The following RBM12B variants were observed in gnomAD, a reference collection of about 807,000 sequenced individuals.
RBM12B encodes RNA-binding protein 12B.
RBM12B carries 10 observed loss-of-function variants against 34.3 expected under a neutral mutation model. That is an observed-to-expected ratio of 0.29 (90% CI 0.18 to 0.49). The LOEUF (loss-of-function observed/expected upper bound fraction) is 0.49, where lower values mean the gene tolerates loss of function less well. Ranked by LOEUF, RBM12B falls within the 20% of genes least tolerant of loss-of-function variation. RBM12B has a pLI of 0.99. For missense variants in RBM12B, 1,139 were observed against 1,262.7 expected (o/e 0.90, Z 1.48); for synonymous variants, 477 against 437.1 (o/e 1.09, Z -1.14).
intron 2 of RBM12B, chr8:93,740,078 A>G (rs529823521): frequency 2.0e-4 from 71 of 350,696 alleles, no homozygotes; most frequent in African/African-American, 1.5e-3. Flanking sequence ...GTCATGATGT[A>G]GCATATTCAC....
At position 93,734,685 on chromosome 8, in the gene RBM12B, G is replaced by A; in HGVS notation, c.1726C>T (p.Pro576Ser). ...RFPPEDFRHSPEDFRRPREED... is the reference protein window; with the variant it reads ...RFPPEDFRHSSEDFRRPREED... ...TCCCTAGGTCGCCTGAAGTCCTCTG[G>A]GGAGTGCCTGAAGTCCTCCGGGGGG... is the stretch of plus-strand genomic sequence containing the variant. Residue 576 changes from proline (P) to serine (S), a missense_variant, in exon 4 of 4, where the codon CCA becomes TCA. Transcript: ENST00000520560. 1.2e-6 allele frequency: 2 copies of A among 1,613,354 alleles called. No homozygotes were observed. The highest frequency in any genetic ancestry group is 8.5e-7 in the Non-Finnish European group (1 of 1,179,544).
chr8:93,734,377 G>T lies in RBM12B; in HGVS notation c.2034C>A (p.Pro678=). ...GAGGCCGCCTAAAGTCCTCCTCTGG[G>T]GGCCGTCTCCAGTCCTCCTCAGGTG... The part of the protein sequence containing the change: ...RRPPEEDWRR[P]PEEDFRRPLQ... The change falls in exon 4 of 4, where the codon CCC becomes CCA. Residue 678 remains proline (P), a synonymous_variant. Transcript: ENST00000520560. The T allele has an allele frequency of 3.7e-6, 6 of 1,611,494 alleles. No individual in the cohort carries two copies. The highest frequency in any genetic ancestry group is 5.1e-6 in the Non-Finnish European group (6 of 1,179,304).
chr8:93,738,448 T>C (rs1257758923), intron 2 of RBM12B, among the ~76,000 whole-genome samples: 1 of 152,232 alleles, frequency 6.6e-6, no homozygotes, highest in African/African-American at 2.4e-5. Context: ...TAAATAATTA[T>C]AATTTACACT....
chr8:93,740,529 C>G (rs1298812212), intron 2 of RBM12B, 100 bp downstream of exon 2: 1 of 456,948 alleles, frequency 2.2e-6, no homozygotes. Context: ...GCCCCCAGAT[C>G]TAACTGAAAA....
rs1460951972 is a variant in RBM12B at position 93,730,089 on chromosome 8, GTGAAATTTCAGAT to G, written c.*3303_*3315del. On this transcript the variant is annotated 3_prime_UTR_variant, in exon 4 of 4. Coordinates refer to ENST00000520560, the MANE Select transcript of RBM12B (RefSeq NM_001377960.1). ...AAAAAGTTTGTGATTTTCGGAGCAT[GTGAAATTTCAGAT>G]TACCAGATTAGGAATACTCAACCTG... The G allele has an allele frequency of 2.6e-5, 4 of 152,160 alleles. No homozygotes were observed. Among genetic ancestry groups the G allele is most frequent in the Admixed American group, 6.5e-5 (1 of 15,278 alleles). The allele number at this position is 152,160 out of a possible 1,614,324, so 9.4% of individuals were successfully genotyped here.
chr8:93,740,150 G>A, intron 2 of RBM12B: 1 of 369,164 alleles, frequency 2.7e-6, no homozygotes, highest in South Asian at 2.0e-5. Context: ...TATTCTTTAC[G>A]ATGATCCACC....
chr8:93,740,945 C>G lies in RBM12B; in HGVS notation c.-210G>C, dbSNP rs1335500384. On this transcript the variant is annotated 5_prime_UTR_variant, in exon 1 of 4. Transcript: ENST00000520560. ...GGAACTCTTCGTCGCAGCAGCCTCC[C>G]CAAAACAGGTAGACCCTCAGTGAGC... 4.6e-6 allele frequency: 1 copy of G among 219,682 alleles called. No individual in the cohort carries two copies. The highest frequency in any genetic ancestry group is 9.3e-6 in the Non-Finnish European group (1 of 106,960). 13.6% of individuals were successfully genotyped at this position (219,682 alleles called of 1,614,324 possible).
At position 93,732,982 on chromosome 8, in the gene RBM12B, A is replaced by T. The variant is rs896463891; in HGVS notation, c.*423T>A. The T allele has an allele frequency of 6.5e-6, 1 of 152,690 alleles. No individual in the cohort carries two copies. Among genetic ancestry groups the T allele is most frequent in the Admixed American group, 6.5e-5 (1 of 15,306 alleles). The allele number at this position is 152,690 out of a possible 1,614,324, so 9.5% of individuals were successfully genotyped here. The stretch of plus-strand genomic sequence containing the variant: ...AATTCTGCAGGCAGGTAGCAATGAA[A>T]ATGCCAAACCTGAACAATCAGTCAC... On this transcript the variant is annotated 3_prime_UTR_variant, in exon 4 of 4. Transcript: ENST00000520560.
rs1812012185 is a variant in RBM12B, at chr8:93,736,078, C to T, written c.333G>A (p.Glu111=). The change falls in exon 4 of 4, where the codon GAG becomes GAA. Residue 111 remains glutamate (E), a synonymous_variant. Transcript: ENST00000520560. ...AATTACTTGCTTCTTCCTTAACAGA[C>T]TCAATAAAATTAGACAGGCTGTCAA... is the stretch of plus-strand genomic sequence containing the variant. ...SGVDSLSNFI[E]SVKEEASNSG... The T allele has an allele frequency of 1.2e-5, 20 of 1,614,174 alleles. No individual in the cohort carries two copies. Among genetic ancestry groups the T allele is most frequent in the Non-Finnish European group, 1.7e-5 (20 of 1,180,036 alleles).
intron 2 of RBM12B, among the ~76,000 whole-genome samples, chr8:93,739,901 C>G (rs1393786605): frequency 2.0e-5 from 3 of 152,108 alleles, no homozygotes; most frequent in South Asian, 2.1e-4. Flanking sequence ...CTCTTCTAAT[C>G]AAGACTTAAG....
At chr8:93,740,504 G>A (rs1448095810) in intron 2 of RBM12B, 125 bp downstream of exon 2, 1 of 457,160 alleles carries the variant, frequency 2.2e-6, no homozygotes, top group East Asian at 7.0e-5. Context: ...ACCCTAACTC[G>A]CCAGAGGGTG....
At position 93,730,670 on chromosome 8, in the gene RBM12B, G is replaced by T. The variant is rs1811754524; in HGVS notation, c.*2735C>A. 1 of 152,000 alleles carries T rather than the reference G, an allele frequency of 6.6e-6. No individual in the cohort carries two copies. The highest frequency in any genetic ancestry group is 1.5e-5 in the Non-Finnish European group (1 of 68,016). 9.4% of individuals were successfully genotyped at this position (152,000 alleles called of 1,614,324 possible). A position where few individuals can be genotyped will look rare whatever the true frequency, so the allele number is the denominator to read the frequency against. On this transcript the variant is annotated 3_prime_UTR_variant, in exon 4 of 4. Transcript: ENST00000520560. ...TTTGCTGCATTTATCACTTTCCATG[G>T]TGTAAAATACTCCTGCCATGGCCAA...
At chr8:93,739,140 G>T (rs1321301310) in intron 2 of RBM12B, 1 of 152,008 alleles carries the variant, frequency 6.6e-6, no homozygotes, top group Non-Finnish European at 1.5e-5. Flanking sequence ...ATGCAAATTG[G>T]CTTAGCTACT....
At position 93,728,362 on chromosome 8, in the gene RBM12B, A is replaced by G; in HGVS notation, c.*5043T>C. The G allele has an allele frequency of 9.4e-7, 1 of 1,062,346 alleles. No individual in the cohort carries two copies. Among genetic ancestry groups the G allele is most frequent in the Non-Finnish European group, 1.4e-6 (1 of 726,620 alleles). 65.8% of individuals were successfully genotyped at this position (1,062,346 alleles called of 1,614,324 possible). A position where few individuals can be genotyped will look rare whatever the true frequency, so the allele number is the denominator to read the frequency against. On this transcript the variant is annotated 3_prime_UTR_variant, in exon 4 of 4. Transcript: ENST00000520560. ...CACAATGACTAAATTGTAGAACTTT[A>G]TACTCACTTTGCTATGTTAAGCCTC...
chr8:93,740,648 C>G lies in RBM12B; in HGVS notation c.-97G>C, dbSNP rs995747515. 7.8e-6 allele frequency: 3 copies of G among 386,438 alleles called. No individual in the cohort carries two copies. The highest frequency in any genetic ancestry group is 6.0e-5 in the Admixed American group (2 of 33,218). The allele number at this position is 386,438 out of a possible 1,614,324, so 23.9% of individuals were successfully genotyped here. A position where few individuals can be genotyped will look rare whatever the true frequency, so the allele number is the denominator to read the frequency against. ...ATATACCTATGAAATCCTTCGAGAT[C>G]TTCACTCTCAAGATCCCTGGGAAGC... On this transcript the variant is annotated 5_prime_UTR_variant, in exon 2 of 4. Transcript: ENST00000520560.
Position 93,732,821 on chromosome 8 carries a change from A to C in RBM12B, c.*584T>G, listed in dbSNP as rs1423149137. The C allele has an allele frequency of 6.6e-6, 1 of 152,236 alleles. No homozygotes were observed. Among genetic ancestry groups the C allele is most frequent in the African/African-American group, 2.4e-5 (1 of 41,468 alleles). The allele number at this position is 152,236 out of a possible 1,614,324, so 9.4% of individuals were successfully genotyped here. ...TATTTTTATAAAGCTTTGTAAAGTTATGAACATGGAAACCCTAAGAATCAC... is the reference window on the plus strand; with the variant it reads ...TATTTTTATAAAGCTTTGTAAAGTTCTGAACATGGAAACCCTAAGAATCAC... On this transcript the variant is annotated 3_prime_UTR_variant, in exon 4 of 4. Coordinates refer to ENST00000520560, the MANE Select transcript of RBM12B (RefSeq NM_001377960.1).
rs1320194016 is a variant in RBM12B, at chr8:93,736,341, T to A, written c.70A>T (p.Thr24Ser). 6.2e-7 allele frequency: 1 copy of A among 1,613,432 alleles called. No individual in the cohort carries two copies. Among genetic ancestry groups the A allele is most frequent in the East Asian group, 2.2e-5 (1 of 44,880 alleles). ...CCTCCATCAGGAATAGTCAATCCCG[T>A]GAAGAAGTGACGAATATCCACAGGC... Reference protein sequence around the residue: ...AGPVDIRHFFTGLTIPDGGVH... With the variant: ...AGPVDIRHFFSGLTIPDGGVH... The change falls in exon 4 of 4, where the codon ACG (threonine) becomes TCG (serine). Residue 24 changes from threonine to serine, a missense_variant. Physicochemically the swap from Thr to Ser is moderately conservative, Grantham distance 58. Transcript: ENST00000520560.
rs750898456 is a variant in RBM12B at position 93,734,072 on chromosome 8, C to T, written c.2339G>A (p.Arg780Gln). 10 of 1,575,030 alleles carry T rather than the reference C, an allele frequency of 6.3e-6. No individual in the cohort carries two copies. The highest frequency in any genetic ancestry group is 2.2e-5 in the East Asian group (1 of 44,528). The part of the protein sequence containing the change: ...HFRRPPPEHF[R>Q]RPPQEHFRRP... ...CCTGAAATGCTCCTGGGGCGGTCTC[C>T]GGAAGTGCTCCGGGGGCGGGCGCCT... The change falls in exon 4 of 4, where the codon CGG becomes CAG. Residue 780 changes from arginine (R) to glutamine (Q), a missense_variant. By Grantham distance (43) the Arg-to-Gln change is conservative (BLOSUM62 1). Around this residue, in one of 3 missense-constraint regions of RBM12B, gnomAD observed 863 missense variants for 869.5 expected, o/e 0.99. Coordinates refer to ENST00000520560, the MANE Select transcript of RBM12B (RefSeq NM_001377960.1).
rs1364823562 is a variant in RBM12B, at chr8:93,732,721, T to C, written c.*684A>G. 3 of 152,222 alleles carry C rather than the reference T, an allele frequency of 2.0e-5. No individual in the cohort carries two copies. Among genetic ancestry groups the C allele is most frequent in the African/African-American group, 7.2e-5 (3 of 41,460 alleles). The allele number at this position is 152,222 out of a possible 1,614,324, so 9.4% of individuals were successfully genotyped here. A position where few individuals can be genotyped will look rare whatever the true frequency, so the allele number is the denominator to read the frequency against. On this transcript the variant is annotated 3_prime_UTR_variant, in exon 4 of 4. Transcript: ENST00000520560. ...TGGTTTAATGAAGTTATTGAAAAAC[T>C]TCACAATATCGAGCTGCAATTCTTT...
Sources: allele counts gnomAD v4.1 joint callset (sites outside exome capture counted in the v4.1 genomes callset), GRCh38; gene constraint gnomAD v4.1.1; regional missense constraint gnomAD v4.1.1; transcripts MANE v1.5; gene names NCBI Gene and HGNC (gene_info 2026-07-23, HGNC 2026-07-21).